The following PARD3B variants were observed in gnomAD, a reference collection of about 807,000 sequenced individuals.
The protein encoded by PARD3B is partitioning defective 3 homolog B.
A neutral mutation model predicts 130.2 loss-of-function variants in PARD3B; 103 were observed. The ratio of observed to expected loss-of-function variants is 0.79; its 90% confidence interval spans 0.67 to 0.93. PARD3B has a LOEUF of 0.93. Ranked by LOEUF, PARD3B falls within the 40% of genes least tolerant of loss-of-function variation. The probability of loss-of-function intolerance (pLI) is 0.00; values close to 1 mark genes in which losing one functional copy is unlikely to be tolerated. For synonymous variants in PARD3B, 583 were observed against 553.2 expected, an observed-to-expected ratio of 1.05 and a Z score of -0.76; for missense variants, 1,609 against 1,499.2, an observed-to-expected ratio of 1.07 and a Z score of -1.21.
chr2:205,120,043 T>C (rs954171101), intron 7 of PARD3B, among the ~76,000 whole-genome samples: 1 of 152,078 alleles, frequency 6.6e-6, no homozygotes, highest in Non-Finnish European at 1.5e-5. Context: ...GTTGTCAATA[T>C]TGTATGCGTG....
chr2:204,775,088 T>C (rs931952342), intron 2 of PARD3B, among the ~76,000 whole-genome samples: 7 of 152,290 alleles, frequency 4.6e-5, no homozygotes, highest in Admixed American at 1.3e-4. Flanking sequence ...TCCACAAGCC[T>C]GAGGTTCTCA....
chr2:204,939,098 T>G (rs1688691098), intron 2 of PARD3B, among the ~76,000 whole-genome samples: 1 of 152,172 alleles, frequency 6.6e-6, no homozygotes. Flanking sequence ...TGAAAACATG[T>G]CAGTTACTTG....
intron 22 of PARD3B, among the ~76,000 whole-genome samples, chr2:205,613,179 G>A (rs866029159): frequency 1.3e-5 from 2 of 152,210 alleles, no homozygotes; most frequent in African/African-American, 2.4e-5. Flanking sequence ...AAGAGAGTCC[G>A]GAGGGAGGGC....
chr2:204,645,801 A>G (rs140720895), intron 1 of PARD3B, among the ~76,000 whole-genome samples: 1 of 152,194 alleles, frequency 6.6e-6, no homozygotes, highest in Non-Finnish European at 1.5e-5. Context: ...TCCAATTCCA[A>G]AAGCATCTTC....
At chr2:205,272,282 A>T (rs886177819) in intron 16 of PARD3B, among the ~76,000 whole-genome samples, 6 of 152,096 alleles carry the variant, frequency 3.9e-5, no homozygotes, top group Admixed American at 1.3e-4. Flanking sequence ...TATATATTTT[A>T]CCACTTTGTT....
At chr2:204,618,991 C>G (rs1026046756) in intron 1 of PARD3B, among the ~76,000 whole-genome samples, 1 of 152,088 alleles carries the variant, frequency 6.6e-6, no homozygotes, top group African/African-American at 2.4e-5. Context: ...TCTGTCTTTA[C>G]ATTAGCGTAT....
At chr2:205,481,292 C>G (rs761683560) in intron 20 of PARD3B, among the ~76,000 whole-genome samples, 11 of 152,116 alleles carry the variant, frequency 7.2e-5, no homozygotes, top group Non-Finnish European at 1.3e-4. Flanking sequence ...AGGGAACGAT[C>G]AGAGCTTCAC....
At chr2:205,072,930 A>G (rs1057051468) in intron 4 of PARD3B, among the ~76,000 whole-genome samples, 11 of 152,144 alleles carry the variant, frequency 7.2e-5, no homozygotes, top group South Asian at 2.1e-4. Flanking sequence ...TTTTTCTTCA[A>G]TTTGCTCAGT....
intron 15 of PARD3B, among the ~76,000 whole-genome samples, chr2:205,228,296 G>C (rs2038665448): frequency 6.6e-6 from 1 of 152,138 alleles, no homozygotes; most frequent in Admixed American, 6.5e-5. Flanking sequence ...ATCTGGTGTA[G>C]ATGAAATCCC....
rs1020749600 is a variant in PARD3B, at chr2:205,258,896, T to C, written c.2185+13074T>C. Among the ~76,000 whole-genome samples, 3 of 152,324 alleles carry C rather than the reference T, an allele frequency of 2.0e-5. No individual in the cohort carries two copies. The highest frequency in any genetic ancestry group is 7.2e-5 in the African/African-American group (3 of 41,566). Reference sequence around the variant, plus strand: ...CTACTTTTTAATGACCTTTTTTCCCTCTCTTGTCATTTTAGGCTGAATTGC... The same window carrying C: ...CTACTTTTTAATGACCTTTTTTCCCCCTCTTGTCATTTTAGGCTGAATTGC... On this transcript the variant is annotated intron_variant, in intron 16 of 22. Coordinates refer to ENST00000406610, the MANE Select transcript of PARD3B (RefSeq NM_001302769.2). The surrounding 1 kb of genome is among the most constrained non-coding windows in gnomAD (Gnocchi z 4.9).
intron 16 of PARD3B, among the ~76,000 whole-genome samples, chr2:205,290,861 C>T (rs913833244): frequency 6.6e-6 from 1 of 152,170 alleles, no homozygotes; most frequent in Non-Finnish European, 1.5e-5. Flanking sequence ...CCCCAGAAAG[C>T]TCTTCCACTT....
chr2:205,512,760 A>G (rs1035871632), intron 21 of PARD3B, among the ~76,000 whole-genome samples: 1 of 152,064 alleles, frequency 6.6e-6, no homozygotes, highest in African/African-American at 2.4e-5. Flanking sequence ...CTTTACAGAA[A>G]CAGAAGGAAA....
intron 18 of PARD3B, among the ~76,000 whole-genome samples, chr2:205,314,922 C>T (rs1026431033): frequency 2.0e-5 from 3 of 152,180 alleles, no homozygotes; most frequent in Non-Finnish European, 2.9e-5. Context: ...CATCTCCACC[C>T]TTCCGTCAGT....
At chr2:204,789,093 G>C (rs1200060321) in intron 2 of PARD3B, among the ~76,000 whole-genome samples, 1 of 152,070 alleles carries the variant, frequency 6.6e-6, no homozygotes, top group African/African-American at 2.4e-5. Flanking sequence ...GCCTCTCTCT[G>C]TCATCCAGGC....
intron 19 of PARD3B, among the ~76,000 whole-genome samples, chr2:205,436,635 A>C (rs753845683): frequency 6.6e-6 from 1 of 152,052 alleles, no homozygotes; most frequent in East Asian, 1.9e-4. Context: ...TAACATGGGC[A>C]TAGTGGTCTA....
At chr2:204,947,463 G>A (rs1455066414) in intron 2 of PARD3B, among the ~76,000 whole-genome samples, 4 of 152,076 alleles carry the variant, frequency 2.6e-5, no homozygotes, top group Non-Finnish European at 5.9e-5. Context: ...AGTATGTTGG[G>A]TGTATGCCAA....
chr2:204,659,341 T>G lies in PARD3B; in HGVS notation c.121-26840T>G, dbSNP rs78853849. On this transcript the variant is annotated intron_variant, in intron 1 of 22. Coordinates refer to ENST00000406610, the MANE Select transcript of PARD3B (RefSeq NM_001302769.2). ...CCTGTATTTTAGGTATCTGGCCCCA[T>G]TGAGAGATGCGCCAAGATATTCTTG... 8.7e-3 allele frequency among the ~76,000 whole-genome samples: 1,327 copies of G among 152,244 alleles called. 26 individuals carry two copies. Among genetic ancestry groups the G allele is most frequent in the African/African-American group, 0.03 (1,253 of 41,536 alleles).
intron 15 of PARD3B, among the ~76,000 whole-genome samples, chr2:205,242,926 G>A (rs2039415007): frequency 6.6e-6 from 1 of 152,144 alleles, no homozygotes; most frequent in Non-Finnish European, 1.5e-5. Flanking sequence ...CAGCGCTTTG[G>A]GAGGCCAAAG....
chr2:205,246,822 A>C (rs1367671767), intron 16 of PARD3B, among the ~76,000 whole-genome samples: 1 of 151,454 alleles, frequency 6.6e-6, no homozygotes, highest in Non-Finnish European at 1.5e-5. Flanking sequence ...CTGGTTCACA[A>C]CTCTTAGATT....
Sources: gnomAD v4.1 joint callset for allele counts (sites outside exome capture counted in the v4.1 genomes callset) on GRCh38, gnomAD v4.1.1 for gene constraint, Gnocchi (gnomAD v3.1) non-coding constraint, MANE v1.5 for transcripts, NCBI Gene and HGNC (gene_info 2026-07-23, HGNC 2026-07-21) for gene names.